Variants in TMEM156 observed in about 807,000 individuals in gnomAD.
TMEM156 encodes the protein transmembrane protein 156.
In TMEM156, 28 loss-of-function variants were observed where a neutral mutation model predicts 30.5. The observed-to-expected ratio is 0.92, with a 90% CI of 0.68 to 1.26. The LOEUF is 1.26. Ranked by LOEUF, TMEM156 falls within the 50% of genes most tolerant of loss-of-function variation. The pLI, the probability that TMEM156 is intolerant of heterozygous loss-of-function variation, is 0.00. For synonymous variants in TMEM156, 137 were observed against 119.9 expected, an observed-to-expected ratio of 1.14 and a Z score of -0.93; for missense variants, 351 against 340.6, an observed-to-expected ratio of 1.03 and a Z score of -0.24.
Position 38,971,093 on chromosome 4 carries a change from G to A in TMEM156, c.868C>T (p.Leu290Phe), listed in dbSNP as rs369180900. ...ACTTATAGTTCTGGAATTGGGGGAA[G>A]CACTTCCTGGACTTGATCCAAAGGC... Reference protein sequence around the residue: ...RLPLDQVQEVLPPIPEL With the variant: ...RLPLDQVQEVFPPIPEL The change falls in exon 6 of 7, where the codon CTT (leucine) becomes TTT (phenylalanine). Residue 290 changes from leucine to phenylalanine, a missense_variant. By Grantham distance (22) the Leu-to-Phe change is conservative. Transcript: ENST00000381938. 5 of 1,613,902 alleles carry A rather than the reference G, an allele frequency of 3.1e-6. No homozygotes were observed. The highest frequency in any genetic ancestry group is 4.2e-6 in the Non-Finnish European group (5 of 1,179,920).
intron 4 of TMEM156, among the ~76,000 whole-genome samples, chr4:38,986,954 T>C (rs1183628021): frequency 6.6e-6 from 1 of 151,620 alleles, no homozygotes; most frequent in African/African-American, 2.4e-5. Flanking sequence ...TTCAATAACA[T>C]TTAATGTGCT....
rs372364737 is a variant in TMEM156, at chr4:38,993,854, G to C, written c.503C>G (p.Ser168Ter). 1.1e-5 allele frequency: 17 copies of C among 1,613,904 alleles called. No homozygotes were observed. The highest frequency in any genetic ancestry group is 1.4e-5 in the Non-Finnish European group (17 of 1,180,002). ...GCTTGGCTCATCCTCCATGATTGTT[G>C]ATCTTCCAGTGTGGTTTTTTAGATG... ...TCHLKNHTGR[S>*]TIMEDEPSKE... Residue 168 changes from serine to a stop codon, truncating the protein, a stop_gained, in exon 3 of 7, where the codon TCA (serine) becomes TGA (stop). Coordinates refer to ENST00000381938, the MANE Select transcript of TMEM156 (RefSeq NM_024943.3). LOFTEE classifies it high-confidence loss of function.
At chr4:38,984,345 CTCTCTGTGTGTG>C (rs1482319511) in intron 5 of TMEM156, among the ~76,000 whole-genome samples, 2 of 114,862 alleles carry the variant, frequency 1.7e-5, no homozygotes, top group Non-Finnish European at 3.3e-5. Flanking sequence ...CTCTCTCTCT[CTCTCTGTGTGTG>C]TGTGTGTGTG....
intron 4 of TMEM156, among the ~76,000 whole-genome samples, chr4:38,986,922 A>G (rs1031333560): frequency 1.3e-5 from 2 of 150,416 alleles, no homozygotes; most frequent in Non-Finnish European, 3.0e-5. Context: ...TGATGTGAAG[A>G]ATATTCAATG....
chr4:38,977,989 C>G (rs2109879772), intron 5 of TMEM156, among the ~76,000 whole-genome samples: 1 of 152,300 alleles, frequency 6.6e-6, no homozygotes, highest in South Asian at 2.1e-4. Flanking sequence ...CATCTGGTAT[C>G]TAACCTCAAC....
At chr4:38,997,791 C>T (rs774556193) in intron 2 of TMEM156, among the ~76,000 whole-genome samples, 3 of 152,160 alleles carry the variant, frequency 2.0e-5, no homozygotes, top group Non-Finnish European at 4.4e-5. Context: ...GTTCATTCCA[C>T]AAAAATTTAC....
At chr4:38,990,938 AG>A (rs1390100411) in intron 3 of TMEM156, among the ~76,000 whole-genome samples, 1 of 142,718 alleles carries the variant, frequency 7.0e-6, no homozygotes, top group Non-Finnish European at 1.5e-5. Flanking sequence ...GGTTCAAGCG[AG>A]TCTCCTGCCT....
intron 1 of TMEM156, among the ~76,000 whole-genome samples, chr4:39,008,960 T>C (rs1209183546): frequency 6.6e-6 from 1 of 151,986 alleles, no homozygotes; most frequent in Non-Finnish European, 1.5e-5. Flanking sequence ...AGAGGTTCAA[T>C]GAAACAAAAG....
intron 1 of TMEM156, among the ~76,000 whole-genome samples, chr4:39,010,962 C>T (rs993594561): frequency 1.3e-5 from 2 of 152,018 alleles, no homozygotes; most frequent in Non-Finnish European, 2.9e-5. Flanking sequence ...AAACTATCAA[C>T]AGAGTAAAGA....
At chr4:38,979,776 T>G (rs548879455) in intron 5 of TMEM156, among the ~76,000 whole-genome samples, 31 of 152,382 alleles carry the variant, frequency 2.0e-4, no homozygotes, top group African/African-American at 7.5e-4. Flanking sequence ...TTAGTCTTCA[T>G]AGATTACTCA....
chr4:39,032,226 C>G lies in TMEM156; in HGVS notation c.88G>C (p.Glu30Gln), dbSNP rs141095630. The G allele has an allele frequency of 6.3e-7, 1 of 1,579,894 alleles. No homozygotes were observed. The highest frequency in any genetic ancestry group is 1.3e-5 in the African/African-American group (1 of 74,194). The change falls in exon 1 of 7, where the codon GAA becomes CAA. Residue 30 changes from glutamate to glutamine, a missense_variant and splice_region_variant. By Grantham distance (29) the Glu-to-Gln change is conservative. Transcript: ENST00000381938. ...ILPEYFKTPK[E>Q]RTLELSCLEV... ...AGCTAGATTACAATTATATACTCAC[C>G]TTTCGGTGTCTTGAAATATTCCGGC... is the stretch of plus-strand genomic sequence containing the variant.
intron 5 of TMEM156, among the ~76,000 whole-genome samples, chr4:38,972,904 T>C (rs1018438400): frequency 6.6e-6 from 1 of 152,230 alleles, no homozygotes; most frequent in African/African-American, 2.4e-5. Flanking sequence ...GTGATAGTTT[T>C]TTTGCTGTGT....
chr4:38,978,864 C>G (rs1489889978), intron 5 of TMEM156, among the ~76,000 whole-genome samples: 2 of 152,098 alleles, frequency 1.3e-5, no homozygotes, highest in Non-Finnish European at 1.5e-5. Flanking sequence ...CTCATTGCAG[C>G]CTTCACCTCC....
rs192676525 is a variant in TMEM156 at position 38,972,591 on chromosome 4, G to A, written c.824-1454C>T. 2.2e-4 allele frequency among the ~76,000 whole-genome samples: 34 copies of A among 151,486 alleles called. No homozygotes were observed. In the South Asian group the frequency reaches 3.5e-3, roughly 16 times the overall value. ...TTTTTTTTCTGGGGAGTAGTGGGGAGGGATTCACTGCCTTCTATACCCAGA... is the reference window on the plus strand; with the variant it reads ...TTTTTTTTCTGGGGAGTAGTGGGGAAGGATTCACTGCCTTCTATACCCAGA... On this transcript the variant is annotated intron_variant, in intron 5 of 6. Transcript: ENST00000381938.
chr4:39,000,927 C>A (rs923359911), intron 1 of TMEM156, among the ~76,000 whole-genome samples: 3 of 151,932 alleles, frequency 2.0e-5, no homozygotes, highest in Admixed American at 1.3e-4. Context: ...AACCTATATT[C>A]CAAAGTAAAA....
intron 1 of TMEM156, among the ~76,000 whole-genome samples, chr4:39,011,004 A>G (rs1435922089): frequency 6.6e-6 from 1 of 152,194 alleles, no homozygotes; most frequent in African/African-American, 2.4e-5. Context: ...AAATATTTGT[A>G]AACTATGGAT....
At chr4:38,999,920 C>T (rs1302404498) in intron 1 of TMEM156, among the ~76,000 whole-genome samples, 2 of 152,188 alleles carry the variant, frequency 1.3e-5, no homozygotes, top group Non-Finnish European at 2.9e-5. Context: ...TATAAGGTGA[C>T]ATTGACAGGT....
intron 1 of TMEM156, among the ~76,000 whole-genome samples, chr4:39,020,253 C>A (rs1480760929): frequency 6.6e-6 from 1 of 152,118 alleles, no homozygotes; most frequent in African/African-American, 2.4e-5. Flanking sequence ...GTGAGTAATG[C>A]TGCAATGGAT....
chr4:38,985,849 A>G (rs1711942469), intron 5 of TMEM156, among the ~76,000 whole-genome samples: 1 of 152,192 alleles, frequency 6.6e-6, no homozygotes, highest in Non-Finnish European at 1.5e-5. Flanking sequence ...AACAGCCCCC[A>G]TCACTGCTCT....
Sources: gnomAD v4.1 joint callset for allele counts (sites outside exome capture counted in the v4.1 genomes callset) on GRCh38, gnomAD v4.1.1 for gene constraint, MANE v1.5 for transcripts, NCBI Gene and HGNC (gene_info 2026-07-23, HGNC 2026-07-21) for gene names.